The following TMC1 variants were observed in gnomAD, a reference collection of about 807,000 sequenced individuals.
TMC1 encodes the protein transmembrane channel-like protein 1.
A neutral mutation model predicts 105.8 loss-of-function variants in TMC1; 84 were observed. The ratio of observed to expected loss-of-function variants is 0.79; its 90% CI spans 0.67 to 0.95. The LOEUF (loss-of-function observed/expected upper bound fraction) is 0.95, where lower values mean the gene tolerates loss of function less well. TMC1 is among the 40% of genes least tolerant of loss of function. The probability of loss-of-function intolerance (pLI) is 0.00; values close to 1 mark genes in which losing one functional copy is unlikely to be tolerated. For missense variants in TMC1, 817 were observed against 914.1 expected (o/e 0.89, Z 1.37); for synonymous variants, 315 against 311.5 (o/e 1.01, Z -0.12).
chr9:72,713,352 C>T (rs1284655998), intron 8 of TMC1, among the ~76,000 whole-genome samples: 1 of 152,138 alleles, frequency 6.6e-6, no homozygotes, highest in Non-Finnish European at 1.5e-5. Flanking sequence ...AGGAATGATA[C>T]CAGATCCTTT....
chr9:72,589,043 T>C (rs1460384454), intron 2 of TMC1, among the ~76,000 whole-genome samples: 1 of 152,200 alleles, frequency 6.6e-6, no homozygotes, highest in African/African-American at 2.4e-5. Context: ...GTGCTGGGAT[T>C]ACAGGTGTGA....
chr9:72,560,253 T>C (rs1587957493), intron 1 of TMC1, among the ~76,000 whole-genome samples: 2 of 152,210 alleles, frequency 1.3e-5, no homozygotes, highest in Non-Finnish European at 2.9e-5. Context: ...GCTATTGTTA[T>C]TTACTTCCCA....
chr9:72,714,133 CTG>C (rs1826881928), intron 8 of TMC1, among the ~76,000 whole-genome samples: 1 of 150,960 alleles, frequency 6.6e-6, no homozygotes, highest in Non-Finnish European at 1.5e-5. Flanking sequence ...GTCTGAGAGA[CTG>C]TTATGATTTC....
In TMC1 at chr9:72,663,635, C is replaced by T. The variant is rs80297264; in HGVS notation, c.16+14971C>T. Among the ~76,000 whole-genome samples the T allele has an allele frequency of 2.4e-3, 361 of 152,206 alleles. 4 individuals carry two copies. Among genetic ancestry groups the T allele is most frequent in the African/African-American group, 6.8e-3 (282 of 41,540 alleles). On this transcript the variant is annotated intron_variant, in intron 5 of 23. Coordinates refer to ENST00000297784, the MANE Select transcript of TMC1 (RefSeq NM_138691.3). Reference sequence around the variant, plus strand: ...ACTGTCATAATTTTGTCACTGTTAACGTTTGCAAAGGTGGTTTCACTGTAG... The same window carrying T: ...ACTGTCATAATTTTGTCACTGTTAATGTTTGCAAAGGTGGTTTCACTGTAG...
chr9:72,634,961 G>A (rs1481458126), intron 4 of TMC1, among the ~76,000 whole-genome samples: 7 of 152,078 alleles, frequency 4.6e-5, no homozygotes, highest in East Asian at 1.9e-4. Context: ...GAAGCTCTTC[G>A]AAAAATGTTC....
At position 72,541,149 on chromosome 9, in the gene TMC1, G is replaced by A. The variant is rs748732560; in HGVS notation, c.-428+19236G>A. On this transcript the variant is annotated intron_variant, in intron 1 of 23. Coordinates refer to ENST00000297784, the MANE Select transcript of TMC1 (RefSeq NM_138691.3). ...ATCTTTGATTTCTCTTGCCCACATG[G>A]ATGGTTACCTTTTCTGAAATGTCAT... Among the ~76,000 whole-genome samples the A allele has an allele frequency of 3.9e-5, 6 of 152,186 alleles. No individual in the cohort carries two copies. The East Asian group carries it at 9.7e-4, about 25-fold the overall frequency.
chr9:72,759,941 GA>G (rs1275298425), intron 12 of TMC1, among the ~76,000 whole-genome samples: 2 of 152,122 alleles, frequency 1.3e-5, no homozygotes, highest in Non-Finnish European at 2.9e-5. Flanking sequence ...TCTGTTTCAT[GA>G]TATATCTATT....
At chr9:72,722,538 T>A (rs1469277080) in intron 8 of TMC1, among the ~76,000 whole-genome samples, 7 of 152,220 alleles carry the variant, frequency 4.6e-5, no homozygotes. Flanking sequence ...GTTGCATTTT[T>A]AAAAATTATA....
At chr9:72,834,415 C>T (rs1206858822) in intron 23 of TMC1, among the ~76,000 whole-genome samples, 1 of 152,092 alleles carries the variant, frequency 6.6e-6, no homozygotes, top group Admixed American at 6.5e-5. Context: ...GGTTTCGAAG[C>T]TTTAAGCACA....
chr9:72,750,451 A>G (rs1412818081), intron 10 of TMC1, among the ~76,000 whole-genome samples: 1 of 152,246 alleles, frequency 6.6e-6, no homozygotes. Flanking sequence ...AATGACCGTC[A>G]AAGAAACTTT....
chr9:72,604,459 C>G (rs1450104523), intron 2 of TMC1, among the ~76,000 whole-genome samples: 3 of 152,168 alleles, frequency 2.0e-5, no homozygotes, highest in Admixed American at 2.0e-4. Context: ...AGCCCAATAT[C>G]TTCACATTTC....
chr9:72,698,139 C>G (rs1826581190), intron 7 of TMC1, among the ~76,000 whole-genome samples: 1 of 151,920 alleles, frequency 6.6e-6, no homozygotes, highest in Non-Finnish European at 1.5e-5. Context: ...ATGATAAACA[C>G]CAAATAATGA....
At chr9:72,642,099 G>T (rs902288247) in intron 4 of TMC1, among the ~76,000 whole-genome samples, 1 of 152,144 alleles carries the variant, frequency 6.6e-6, no homozygotes, top group African/African-American at 2.4e-5. Context: ...TTACAGGAGT[G>T]AGCCACTGTG....
intron 2 of TMC1, among the ~76,000 whole-genome samples, chr9:72,582,060 C>A: frequency 6.6e-6 from 1 of 151,876 alleles, no homozygotes; most frequent in East Asian, 1.9e-4. Context: ...TGGGTTCAAG[C>A]GATTCTTCTG....
At chr9:72,665,480 G>C (rs978153458) in intron 5 of TMC1, among the ~76,000 whole-genome samples, 1 of 152,226 alleles carries the variant, frequency 6.6e-6, no homozygotes, top group African/African-American at 2.4e-5. Context: ...GACTGATTTA[G>C]ATAGGTTGCT....
chr9:72,668,440 T>C (rs964848082), intron 5 of TMC1, among the ~76,000 whole-genome samples: 11 of 152,204 alleles, frequency 7.2e-5, no homozygotes, highest in African/African-American at 2.4e-4. Flanking sequence ...GTTGATTGAG[T>C]GAATTAACGA....
chr9:72,634,059 G>T (rs1015534279), intron 4 of TMC1, among the ~76,000 whole-genome samples: 1 of 152,192 alleles, frequency 6.6e-6, no homozygotes, highest in South Asian at 2.1e-4. Context: ...GAGCTCAGGG[G>T]CTAGGGTTTT....
At chr9:72,607,002 T>TATATAGAGAGAG (rs372785242) in intron 2 of TMC1, among the ~76,000 whole-genome samples, 8 of 134,970 alleles carry the variant, frequency 5.9e-5, no homozygotes, top group African/African-American at 8.4e-5. Flanking sequence ...TATATATATA[T>TATATAGAGAGAG]AGAGAGAGAG....
At position 72,836,707 on chromosome 9, in the gene TMC1, A is replaced by AAAG. The variant is rs1249057925; in HGVS notation, c.*735_*737dup. 2.6e-5 allele frequency: 4 copies of AAAG among 152,160 alleles called. No homozygotes were observed. Among genetic ancestry groups the AAAG allele is most frequent in the African/African-American group, 9.7e-5 (4 of 41,422 alleles). The allele number at this position is 152,160 out of a possible 1,614,324, so 9.4% of individuals were successfully genotyped here. A position where few individuals can be genotyped will look rare whatever the true frequency, so the allele number is the denominator to read the frequency against. On this transcript the variant is annotated 3_prime_UTR_variant, in exon 24 of 24. Coordinates refer to ENST00000297784, the MANE Select transcript of TMC1 (RefSeq NM_138691.3). ...TTTTTATGAGATAAAATTAAAAAAA[A>AAAG]AAGGAAAGACATCATAAATGACTGT...
Sources: allele counts gnomAD v4.1 joint callset (sites outside exome capture counted in the v4.1 genomes callset), GRCh38; gene constraint gnomAD v4.1.1; transcripts MANE v1.5; gene names NCBI Gene and HGNC (gene_info 2026-07-23, HGNC 2026-07-21).